Variants in DOCK1 observed in about 807,000 individuals in gnomAD.
DOCK1 encodes dedicator of cytokinesis protein 1.
DOCK1 carries 138 observed loss-of-function variants against 262.7 expected under a neutral mutation model. The observed-to-expected ratio is 0.53, with a 90% CI of 0.46 to 0.61. The LOEUF is 0.61. Among genes scored for constraint, DOCK1 ranks in the 20% least tolerant of loss-of-function variants. DOCK1 has a pLI of 0.00. For synonymous variants in DOCK1, 866 were observed against 867.4 expected (o/e 1.00, Z 0.03); for missense variants, 1,908 against 2,370.7 (o/e 0.80, Z 4.05).
At chr10:127,405,191 G>A (rs188898810) in intron 40 of DOCK1, among the ~76,000 whole-genome samples, 11 of 152,266 alleles carry the variant, frequency 7.2e-5, no homozygotes, top group Admixed American at 1.3e-4. Flanking sequence ...GTATGGCCAC[G>A]GTGCTAGAAA....
At chr10:127,302,741 G>GGGTGT (rs2061728423) in intron 29 of DOCK1, among the ~76,000 whole-genome samples, 1 of 108,136 alleles carries the variant, frequency 9.2e-6, no homozygotes, top group South Asian at 3.2e-4. Flanking sequence ...GAAAAGAGGG[G>GGGTGT]GTGTGTGTGT....
chr10:127,191,823 T>C (rs2056778014), intron 27 of DOCK1, among the ~76,000 whole-genome samples: 1 of 152,206 alleles, frequency 6.6e-6, no homozygotes, highest in South Asian at 2.1e-4. Flanking sequence ...TGCCTGTCCA[T>C]GGAACCCCTG....
intron 27 of DOCK1, among the ~76,000 whole-genome samples, chr10:127,197,000 C>G (rs2057219918): frequency 3.3e-5 from 5 of 152,232 alleles, no homozygotes; most frequent in Admixed American, 2.6e-4. Context: ...GGAAGCCAGG[C>G]TTGAAGGGTG....
chr10:126,994,272 A>G (rs907218654), intron 6 of DOCK1, among the ~76,000 whole-genome samples: 1 of 152,154 alleles, frequency 6.6e-6, no homozygotes, highest in African/African-American at 2.4e-5. Flanking sequence ...GATTTGAGGA[A>G]TCAGAGAGAA....
chr10:127,045,057 G>A (rs563810446), intron 21 of DOCK1, among the ~76,000 whole-genome samples: 5 of 152,044 alleles, frequency 3.3e-5, no homozygotes, highest in South Asian at 2.1e-4. Context: ...AATTAGCTGC[G>A]CGTGGTGGCA....
chr10:126,982,120 G>A, intron 4 of DOCK1, 147 bp downstream of exon 4: 1 of 820,516 alleles, frequency 1.2e-6, no homozygotes, highest in Non-Finnish European at 2.0e-6. Flanking sequence ...AGAGAAAGGG[G>A]ACTTGTGATT....
intron 22 of DOCK1, among the ~76,000 whole-genome samples, chr10:127,057,454 T>C (rs1591835797): frequency 6.6e-6 from 1 of 152,382 alleles, no homozygotes; most frequent in South Asian, 2.1e-4. Flanking sequence ...TTGAAGCTTA[T>C]GTTGTTAACT....
chr10:127,145,882 C>G (rs1224341917), intron 27 of DOCK1: 1 of 424,724 alleles, frequency 2.4e-6, no homozygotes, highest in Non-Finnish European at 4.7e-6. Context: ...TCTGGTGTCA[C>G]CAGTGACCGG....
At chr10:127,080,713 T>C (rs758670603) in intron 23 of DOCK1, among the ~76,000 whole-genome samples, 3 of 152,202 alleles carry the variant, frequency 2.0e-5, no homozygotes, top group Non-Finnish European at 4.4e-5. Flanking sequence ...TCTCAGCCTG[T>C]CTTGAATGCC....
chr10:127,240,517 T>A (rs556038926), intron 27 of DOCK1, among the ~76,000 whole-genome samples: 1 of 152,290 alleles, frequency 6.6e-6, no homozygotes, highest in East Asian at 1.9e-4. Context: ...TTAACAATAA[T>A]ACCTGAATCA....
intron 29 of DOCK1, among the ~76,000 whole-genome samples, chr10:127,282,426 C>T (rs1373603412): frequency 1.3e-5 from 2 of 152,212 alleles, no homozygotes; most frequent in Non-Finnish European, 2.9e-5. Flanking sequence ...AGGTGGCCTG[C>T]AGCTCACCTG....
chr10:127,254,726 T>C (rs1315696807), intron 28 of DOCK1, among the ~76,000 whole-genome samples: 5 of 152,244 alleles, frequency 3.3e-5, no homozygotes, highest in Admixed American at 3.3e-4. Flanking sequence ...TTGTCCATAA[T>C]GGTTACTCCT....
Position 127,444,234 on chromosome 10 carries a change from C to G in DOCK1, c.5368C>G (p.Pro1790Ala). Reference sequence around the variant, plus strand: ...GTCACCGTCCTCCCAGCAAACACCCCCTCCAGTTACACCAAGGGCCAAGCT... The same window carrying G: ...GTCACCGTCCTCCCAGCAAACACCCGCTCCAGTTACACCAAGGGCCAAGCT... Reference protein sequence around the residue: ...PSSPSSQQTPPPVTPRAKLSF... With the variant: ...PSSPSSQQTPAPVTPRAKLSF... The change falls in exon 50 of 52, where the codon CCT (proline) becomes GCT (alanine). Residue 1790 changes from proline to alanine, a missense_variant. Physicochemically the swap from Pro to Ala is conservative, Grantham distance 27. This residue lies in a region of DOCK1 where 383 missense variants were observed against 420.1 expected (regional missense o/e 0.91). Transcript: ENST00000623213. The G allele has an allele frequency of 6.2e-7, 1 of 1,612,222 alleles. No homozygotes were observed. The highest frequency in any genetic ancestry group is 1.1e-5 in the South Asian group (1 of 90,640).
At chr10:127,217,212 G>T (rs1193967259) in intron 27 of DOCK1, among the ~76,000 whole-genome samples, 2 of 152,292 alleles carry the variant, frequency 1.3e-5, no homozygotes, top group East Asian at 3.9e-4. Flanking sequence ...TTTACCTGGG[G>T]TTAGTTTTTG....
At chr10:127,274,024 A>G (rs2060658241) in intron 29 of DOCK1, among the ~76,000 whole-genome samples, 1 of 152,218 alleles carries the variant, frequency 6.6e-6, no homozygotes, top group African/African-American at 2.4e-5. Flanking sequence ...CTTATGAGAT[A>G]CGCTTGGGGG....
chr10:127,106,032 T>C (rs2048509053), intron 23 of DOCK1, among the ~76,000 whole-genome samples, 199 bp from the exon 24 acceptor site: 1 of 152,192 alleles, frequency 6.6e-6, no homozygotes, highest in Non-Finnish European at 1.5e-5. Flanking sequence ...CCCAAAGTGC[T>C]GGGATTACAG....
chr10:127,404,427 C>A lies in DOCK1; in HGVS notation c.4120C>A (p.Arg1374=). ...CGGACAAGGGTTCCCCACATTCCTG[C>A]GGGTAAAGTTTGGTTCTGCCTAATC... is the stretch of plus-strand genomic sequence containing the variant. ...YYGQGFPTFL[R]GKVFIYRGKE... is the part of the protein sequence containing the mutation. The change falls in exon 40 of 52, where the codon CGG becomes AGG. Residue 1374 remains arginine (R), a splice_region_variant and synonymous_variant. Coordinates refer to ENST00000623213, the MANE Select transcript of DOCK1 (RefSeq NM_001290223.2). The A allele has an allele frequency of 4.3e-6, 7 of 1,612,688 alleles. No individual in the cohort carries two copies. The highest frequency in any genetic ancestry group is 5.9e-6 in the Non-Finnish European group (7 of 1,179,372).
At chr10:127,283,000 A>G (rs2061017223) in intron 29 of DOCK1, among the ~76,000 whole-genome samples, 2 of 152,224 alleles carry the variant, frequency 1.3e-5, no homozygotes, top group African/African-American at 2.4e-5. Context: ...TCTCCCCACC[A>G]GGGCTGTCTG....
chr10:127,191,367 T>C, intron 27 of DOCK1, among the ~76,000 whole-genome samples: 1 of 152,140 alleles, frequency 6.6e-6, no homozygotes, highest in East Asian at 1.9e-4. Context: ...TCAGTACATA[T>C]CCACAAATCA....
Sources: allele counts gnomAD v4.1 joint callset (sites outside exome capture counted in the v4.1 genomes callset), GRCh38; gene constraint gnomAD v4.1.1; regional missense constraint gnomAD v4.1.1; transcripts MANE v1.5; gene names NCBI Gene and HGNC (gene_info 2026-07-23, HGNC 2026-07-21).